MINDY1: variants seen among roughly 807,000 people sequenced by gnomAD.
The protein encoded by MINDY1 is ubiquitin carboxyl-terminal hydrolase MINDY-1.
Under a neutral mutation model 53.6 loss-of-function variants are expected in MINDY1, and 50 were observed. That is an observed-to-expected ratio of 0.93 (90% CI 0.74 to 1.18). The LOEUF (loss-of-function observed/expected upper bound fraction) is 1.18. Ranked by LOEUF, MINDY1 falls within the 50% of genes most tolerant of loss-of-function variation. MINDY1 has a pLI of 0.00. For missense variants in MINDY1, 484 were observed against 578.6 expected (o/e 0.84, Z 1.68); for synonymous variants, 231 against 234.7 (o/e 0.98, Z 0.14).
At chr1:150,997,553 T>G in intron 9 of MINDY1, 71 bp downstream of exon 9, 1 of 1,600,930 alleles carries the variant, frequency 6.2e-7, no homozygotes, top group Non-Finnish European at 8.5e-7. Flanking sequence ...AGTGCAGGAA[T>G]AACAGGTGTT....
chr1:151,006,352 T>G lies in MINDY1; in HGVS notation c.-130A>C. The G allele has an allele frequency of 7.1e-7, 1 of 1,400,016 alleles. No individual in the cohort carries two copies. Among genetic ancestry groups the G allele is most frequent in the South Asian group, 1.6e-5 (1 of 63,918 alleles). The allele number at this position is 1,400,016 out of a possible 1,614,324, so 86.7% of individuals were successfully genotyped here. On this transcript the variant is annotated 5_prime_UTR_variant, in exon 1 of 10. Transcript: ENST00000683666. ...GCTGTTCCAAGATTGAGAAGGAGGG[T>G]TCAGCCGTGGCAATGAGATGGGGGA... is the stretch of plus-strand genomic sequence containing the variant.
In MINDY1 at chr1:151,006,572, TCA is replaced by T. The variant is rs1419816761; in HGVS notation, c.-352_-351del. The T allele has an allele frequency of 2.2e-5, 22 of 995,046 alleles. No individual in the cohort carries two copies. Among genetic ancestry groups the T allele is most frequent in the Non-Finnish European group, 2.2e-5 (18 of 836,442 alleles). The allele number at this position is 995,046 out of a possible 1,614,324, so 61.6% of individuals were successfully genotyped here. A position where few individuals can be genotyped will look rare whatever the true frequency, so the allele number is the denominator to read the frequency against. On this transcript the variant is annotated 5_prime_UTR_variant, in exon 1 of 10. The change abolishes the stop of an existing upstream ORF in the 5' untranslated region. Coordinates refer to ENST00000683666, the MANE Select transcript of MINDY1 (RefSeq NM_001376665.1). ...ACACAGCCAAGGTGCTCCAGGTCGCTCAGAGAGTCTTCAGGATTCCTGAGTCG... is the reference window on the plus strand; with the variant it reads ...ACACAGCCAAGGTGCTCCAGGTCGCTGAGAGTCTTCAGGATTCCTGAGTCG...
chr1:151,008,356 C>T (rs1673449787), upstream of MINDY1: 2 of 1,295,030 alleles, frequency 1.5e-6, no homozygotes, highest in African/African-American at 1.5e-5. Flanking sequence ...CACGCCACGC[C>T]CCCTTGGCCT....
intron 1 of MINDY1, among the ~76,000 whole-genome samples, chr1:151,005,325 A>G (rs890411754): frequency 6.6e-6 from 1 of 151,832 alleles, no homozygotes; most frequent in Non-Finnish European, 1.5e-5. Flanking sequence ...GGTGGCGGGC[A>G]CCTGTAATCC....
chr1:151,007,818 G>A (rs1673394641), upstream of MINDY1, among the ~76,000 whole-genome samples: 2 of 152,142 alleles, frequency 1.3e-5, no homozygotes, highest in Non-Finnish European at 2.9e-5. Flanking sequence ...GTACAGGGCC[G>A]CCACAGGATG....
At chr1:151,000,367 C>T (rs1354846623) in intron 5 of MINDY1, 90 bp downstream of exon 5, 13 of 1,367,592 alleles carry the variant, frequency 9.5e-6, no homozygotes, top group South Asian at 1.4e-5. Flanking sequence ...CAATCTAACC[C>T]CTAACTCCCT....
rs1329066256 is a variant in MINDY1 at position 151,002,380 on chromosome 1, G to A, written c.238C>T (p.Pro80Ser). Reference sequence around the variant, plus strand: ...ACTTCAGGCAGTGTCCCAAGGGTTGGCCCCGGTGGAGCTGAGCTAGCTTCA... The same window carrying A: ...ACTTCAGGCAGTGTCCCAAGGGTTGACCCCGGTGGAGCTGAGCTAGCTTCA... ...LPEASSAPPG[P>S]TLGTLPEVET... The change falls in exon 2 of 10, where the codon CCA becomes TCA. Residue 80 changes from proline to serine, a missense_variant. By Grantham distance (74) the Pro-to-Ser change is moderately conservative (BLOSUM62 -1). Transcript: ENST00000683666. This position sits in a 1 kb window ranked among gnomAD's most constrained non-coding sequence, Gnocchi z 4.1. The A allele has an allele frequency of 6.2e-7, 1 of 1,614,144 alleles. No homozygotes were observed. The highest frequency in any genetic ancestry group is 2.2e-5 in the East Asian group (1 of 44,880).
chr1:151,003,088 G>A, intron 1 of MINDY1: 1 of 540,926 alleles, frequency 1.8e-6, no homozygotes, highest in Non-Finnish European at 2.5e-6. Context: ...TTATTAATAT[G>A]ATGATCTTTA....
intron 1 of MINDY1, among the ~76,000 whole-genome samples, chr1:151,003,551 TA>T (rs891084491): frequency 4.6e-5 from 7 of 152,008 alleles, no homozygotes; most frequent in Non-Finnish European, 7.4e-5. Context: ...AGCTTCTCTT[TA>T]AAAAAAATTA....
intron 9 of MINDY1, 68 bp downstream of exon 9, chr1:150,997,556 C>T: frequency 1.2e-6 from 2 of 1,601,258 alleles, no homozygotes; most frequent in Non-Finnish European, 1.7e-6. Context: ...GCAGGAATAA[C>T]AGGTGTTCTG....
At chr1:151,005,482 A>G (rs1255429177) in intron 1 of MINDY1, among the ~76,000 whole-genome samples, 5 of 151,726 alleles carry the variant, frequency 3.3e-5, no homozygotes, top group Non-Finnish European at 5.9e-5. Context: ...AAGAAAAAAA[A>G]AAAAGAAAAG....
Position 151,006,487 on chromosome 1 carries a change from G to T in MINDY1, c.-265C>A. The T allele has an allele frequency of 9.4e-7, 1 of 1,066,250 alleles. No homozygotes were observed. The highest frequency in any genetic ancestry group is 1.7e-5 in the African/African-American group (1 of 60,050). The allele number at this position is 1,066,250 out of a possible 1,614,324, so 66.0% of individuals were successfully genotyped here. A position where few individuals can be genotyped will look rare whatever the true frequency, so the allele number is the denominator to read the frequency against. On this transcript the variant is annotated 5_prime_UTR_variant, in exon 1 of 10. Transcript: ENST00000683666. ...AAGCGACGGTCCAGGCTGGGTTGTG[G>T]CCACTTCCGGACTCACGCCCAGTAC...
Position 150,999,516 on chromosome 1 carries a change from C to G in MINDY1, c.839-5G>C. The stretch of plus-strand genomic sequence containing the variant: ...GGAACTGCTCTGCAATCAGGCCTGC[C>G]AGAAAGGGACGAGTCGGGGGAAACT... On this transcript the variant is annotated splice_region_variant and splice_polypyrimidine_tract_variant and intron_variant, in intron 6 of 9. Coordinates refer to ENST00000683666, the MANE Select transcript of MINDY1 (RefSeq NM_001376665.1). This position sits in a 1 kb window ranked among gnomAD's most constrained non-coding sequence, Gnocchi z 4.4. 2 of 1,613,740 alleles carry G rather than the reference C, an allele frequency of 1.2e-6. No individual in the cohort carries two copies. The highest frequency in any genetic ancestry group is 1.7e-6 in the Non-Finnish European group (2 of 1,180,016).
chr1:150,999,868 TC>T lies in MINDY1; in HGVS notation c.831del (p.Thr278GlnfsTer4), dbSNP rs1672335866. ...AGAAGGGGAGGAATGTCACCTTCTG[TC>T]ACGAGGTTGGTGTCACTGGAGTGTT... ...TCKHSSDTNL[V>X]TEGLIAEQFL... On this transcript the variant is annotated frameshift_variant, in exon 6 of 10. Coordinates refer to ENST00000683666, the MANE Select transcript of MINDY1 (RefSeq NM_001376665.1). LOFTEE classifies it high-confidence loss of function. The surrounding 1 kb of genome is among the most constrained non-coding windows in gnomAD (Gnocchi z 4.4). The T allele has an allele frequency of 1.2e-6, 2 of 1,613,682 alleles. No homozygotes were observed. Among genetic ancestry groups the T allele is most frequent in the Non-Finnish European group, 1.7e-6 (2 of 1,179,780 alleles).
chr1:151,000,936 AC>A (rs1672496570), intron 4 of MINDY1, among the ~76,000 whole-genome samples: 1 of 151,546 alleles, frequency 6.6e-6, no homozygotes. Flanking sequence ...GCACCGCCAT[AC>A]CTGGCTAATT....
chr1:151,005,464 A>C (rs889377892), intron 1 of MINDY1, among the ~76,000 whole-genome samples: 1 of 151,162 alleles, frequency 6.6e-6, no homozygotes, highest in Non-Finnish European at 1.5e-5. Flanking sequence ...CAAAAAAAAA[A>C]AGAAAAAAAG....
At chr1:150,998,049 G>A (rs1672047587) in intron 8 of MINDY1, 33 bp downstream of exon 8, 1 of 1,578,060 alleles carries the variant, frequency 6.3e-7, no homozygotes, top group Non-Finnish European at 8.6e-7. Context: ...AGGCACATGT[G>A]CTCTCTGCAC....
At position 150,999,611 on chromosome 1, in the gene MINDY1, A is replaced by G; in HGVS notation, c.839-100T>C. ...CCCCTGTCAAAAGCCCCGGGGGGTC[A>G]GTCCCACCTTCTGACGTCCCTTTCT... is the stretch of plus-strand genomic sequence containing the variant. On this transcript the variant is annotated intron_variant, in intron 6 of 9. Transcript: ENST00000683666. This position sits in a 1 kb window ranked among gnomAD's most constrained non-coding sequence, Gnocchi z 4.4. 1 of 1,475,694 alleles carries G rather than the reference A, an allele frequency of 6.8e-7. No homozygotes were observed. The allele number at this position is 1,475,694 out of a possible 1,614,324, so 91.4% of individuals were successfully genotyped here. A position where few individuals can be genotyped will look rare whatever the true frequency, so the allele number is the denominator to read the frequency against.
intron 5 of MINDY1, 100 bp from the exon 6 acceptor site, chr1:151,000,064 G>T: frequency 1.3e-6 from 1 of 761,536 alleles, no homozygotes; most frequent in Non-Finnish European, 2.1e-6. Context: ...ACAACCCTGT[G>T]ATGAATGGTT....
Sources: gnomAD v4.1 joint callset for allele counts (sites outside exome capture counted in the v4.1 genomes callset) on GRCh38, gnomAD v4.1.1 for gene constraint, Gnocchi (gnomAD v3.1) non-coding constraint, MANE v1.5 for transcripts, NCBI Gene and HGNC (gene_info 2026-07-23, HGNC 2026-07-21) for gene names.